Variants in NALCN observed in about 807,000 individuals in gnomAD.
The protein encoded by NALCN is sodium leak channel NALCN.
Under a neutral mutation model 225.3 loss-of-function variants are expected in NALCN, and 111 were observed. That is an observed-to-expected ratio of 0.49 (90% CI 0.42 to 0.58). The LOEUF is 0.58. Among genes scored for constraint, NALCN ranks in the 20% least tolerant of loss-of-function variants. The pLI is 0.00. For missense variants in NALCN, 1,378 were observed against 2,202.4 expected, an observed-to-expected ratio of 0.63 and a Z score of 7.49; for synonymous variants, 764 against 769.0, an observed-to-expected ratio of 0.99 and a Z score of 0.11.
At chr13:101,101,274 T>TA (rs1444695477) in intron 26 of NALCN, among the ~76,000 whole-genome samples, 5 of 102,158 alleles carry the variant, frequency 4.9e-5, no homozygotes, top group Non-Finnish European at 7.9e-5. Context: ...TATATTTATT[T>TA]TTTTTTCTTT....
intron 11 of NALCN, among the ~76,000 whole-genome samples, chr13:101,252,693 G>A (rs185037998): frequency 6.6e-6 from 1 of 152,232 alleles, no homozygotes; most frequent in East Asian, 1.9e-4. Flanking sequence ...AAACATGACT[G>A]TCCTCATTAA....
At chr13:101,152,055 G>A (rs551207153) in intron 15 of NALCN, among the ~76,000 whole-genome samples, 46 of 152,134 alleles carry the variant, frequency 3.0e-4, no homozygotes, top group African/African-American at 7.2e-4. Context: ...ATTTTTCCCC[G>A]TTTTACAAAA....
chr13:101,247,526 C>A (rs1297498782), intron 11 of NALCN, among the ~76,000 whole-genome samples: 1 of 151,998 alleles, frequency 6.6e-6, no homozygotes, highest in Non-Finnish European at 1.5e-5. Context: ...TTAAATAAAT[C>A]TAATGAGAAA....
chr13:101,269,531 A>G (rs2140247604), intron 10 of NALCN, among the ~76,000 whole-genome samples: 1 of 152,320 alleles, frequency 6.6e-6, no homozygotes, highest in Non-Finnish European at 1.5e-5. Context: ...TAAAAGAGGG[A>G]TGCTGTAACC....
chr13:101,267,723 C>T (rs910685971), intron 10 of NALCN, among the ~76,000 whole-genome samples: 53 of 152,288 alleles, frequency 3.5e-4, no homozygotes, highest in African/African-American at 1.2e-3. Context: ...TGCCAGCTGA[C>T]GAGTGGCTGA....
At chr13:101,273,829 G>A (rs1273133728) in intron 10 of NALCN, among the ~76,000 whole-genome samples, 1 of 145,504 alleles carries the variant, frequency 6.9e-6, no homozygotes, top group Non-Finnish European at 1.5e-5. Flanking sequence ...AGCTTTCAGT[G>A]AGCCAAGATC....
chr13:101,193,461 A>G (rs1392446440), intron 13 of NALCN, among the ~76,000 whole-genome samples: 1 of 152,202 alleles, frequency 6.6e-6, no homozygotes, highest in African/African-American at 2.4e-5. Flanking sequence ...TGTTAAATGA[A>G]CCACGAACTA....
chr13:101,234,008 C>T (rs2041456591), intron 12 of NALCN, among the ~76,000 whole-genome samples: 1 of 152,162 alleles, frequency 6.6e-6, no homozygotes, highest in Non-Finnish European at 1.5e-5. Flanking sequence ...TGGAATGCTT[C>T]CCCTCAGACC....
At chr13:101,300,803 T>C (rs1279353401) in intron 7 of NALCN, among the ~76,000 whole-genome samples, 1 of 152,264 alleles carries the variant, frequency 6.6e-6, no homozygotes, top group African/African-American at 2.4e-5. Flanking sequence ...TTTTATTTGC[T>C]ATTCCAGAAC....
In NALCN at chr13:101,223,667, A is replaced by G. The variant is rs148287758; in HGVS notation, c.1626+5726T>C. On this transcript the variant is annotated intron_variant, in intron 13 of 43. Transcript: ENST00000251127. ...TGGCATTCTAAAAAACACCCTCACC[A>G]GGTACTCACTCCAGACACATAAAGA... Among the ~76,000 whole-genome samples, 722 of 152,214 alleles carry G rather than the reference A, an allele frequency of 4.7e-3. 7 individuals are homozygous for G. The highest frequency in any genetic ancestry group is 0.017 in the African/African-American group (703 of 41,552).
intron 1 of NALCN, among the ~76,000 whole-genome samples, chr13:101,409,895 G>C (rs1347341302): frequency 6.6e-6 from 1 of 152,188 alleles, no homozygotes; most frequent in Admixed American, 6.5e-5. Context: ...CCTTCCTCAA[G>C]TCATATGTTG....
At chr13:101,102,241 C>T (rs2034857979) in intron 26 of NALCN, among the ~76,000 whole-genome samples, 1 of 151,806 alleles carries the variant, frequency 6.6e-6, no homozygotes, top group Non-Finnish European at 1.5e-5. Flanking sequence ...TGAGATTGCG[C>T]CATTGCACTC....
chr13:101,202,585 C>T (rs921665946), intron 13 of NALCN, among the ~76,000 whole-genome samples: 9 of 152,116 alleles, frequency 5.9e-5, no homozygotes, highest in African/African-American at 2.2e-4. Context: ...GGAAAAATAT[C>T]GATTCCTAGG....
chr13:101,416,822 G>A (rs141208332), upstream of NALCN, among the ~76,000 whole-genome samples: 1 of 151,918 alleles, frequency 6.6e-6, no homozygotes, highest in Non-Finnish European at 1.5e-5. Flanking sequence ...GGAGTCCGCC[G>A]GGCACACGCG....
intron 10 of NALCN, among the ~76,000 whole-genome samples, chr13:101,282,691 G>A (rs1014516993): frequency 1.3e-5 from 2 of 152,082 alleles, no homozygotes; most frequent in African/African-American, 2.4e-5. Flanking sequence ...GAATATATGC[G>A]GTGATGGGTG....
chr13:101,084,360 T>C (rs1425232588), intron 30 of NALCN, among the ~76,000 whole-genome samples: 1 of 152,226 alleles, frequency 6.6e-6, no homozygotes, highest in Non-Finnish European at 1.5e-5. Context: ...ATGCATATGA[T>C]TAAAATTATA....
At chr13:101,287,579 G>C (rs889997793) in intron 9 of NALCN, among the ~76,000 whole-genome samples, 2 of 152,192 alleles carry the variant, frequency 1.3e-5, no homozygotes, top group African/African-American at 4.8e-5. Context: ...AGTTTGTAAA[G>C]CCATTAGACT....
chr13:101,240,142 C>T (rs1296741259), intron 11 of NALCN, among the ~76,000 whole-genome samples: 1 of 151,988 alleles, frequency 6.6e-6, no homozygotes, highest in Admixed American at 6.6e-5. Context: ...GTGCTACAAA[C>T]ATAAAATTTA....
chr13:101,411,201 CTCTT>C (rs201466864), intron 1 of NALCN, among the ~76,000 whole-genome samples: 2 of 124,942 alleles, frequency 1.6e-5, no homozygotes, highest in Non-Finnish European at 3.3e-5. Flanking sequence ...AAACTTTATC[CTCTT>C]TCTTTTTTTT....
Sources: gnomAD v4.1 joint callset for allele counts (sites outside exome capture counted in the v4.1 genomes callset) on GRCh38, gnomAD v4.1.1 for gene constraint, MANE v1.5 for transcripts, NCBI Gene and HGNC (gene_info 2026-07-23, HGNC 2026-07-21) for gene names.